Variants in EXOC4 observed in about 807,000 individuals in gnomAD.
EXOC4 encodes the protein exocyst complex component 4, also known as SEC8-like 1.
In EXOC4, 71 loss-of-function variants were observed where a neutral mutation model predicts 107.2. The observed-to-expected ratio is 0.66, with a 90% CI of 0.55 to 0.81. The LOEUF is 0.81. Among genes scored for constraint, EXOC4 ranks in the 30% least tolerant of loss-of-function variants. The pLI is 0.00. For synonymous variants in EXOC4, 456 were observed against 441.2 expected, an observed-to-expected ratio of 1.03 and a Z score of -0.42; for missense variants, 1,108 against 1,189.6, an observed-to-expected ratio of 0.93 and a Z score of 1.01.
chr7:134,064,415 G>A lies in EXOC4; in HGVS notation c.2812G>A (p.Gly938Arg). 1.9e-6 allele frequency: 3 copies of A among 1,607,456 alleles called. No individual in the cohort carries two copies. The highest frequency in any genetic ancestry group is 1.1e-5 in the South Asian group (1 of 89,856). The change falls in exon 18 of 18, where the codon GGG (glycine) becomes AGG (arginine). Residue 938 changes from glycine (G) to arginine (R), a missense_variant. Coordinates refer to ENST00000253861, the MANE Select transcript of EXOC4 (RefSeq NM_021807.4). Reference protein sequence around the residue: ...ALTLLHRSQTGVGELTTQNTR... With the variant: ...ALTLLHRSQTRVGELTTQNTR... ...GACCCTGCTGCACCGCAGCCAGACT[G>A]GGGTGGGGGAACTGACCACCCAGAA...
chr7:133,401,882 A>G (rs1797098643), intron 7 of EXOC4, among the ~76,000 whole-genome samples: 1 of 152,156 alleles, frequency 6.6e-6, no homozygotes, highest in Non-Finnish European at 1.5e-5. Context: ...TAGAATATTA[A>G]TTACCCCTTT....
chr7:133,821,941 G>A (rs758953298), intron 11 of EXOC4, among the ~76,000 whole-genome samples: 12 of 152,138 alleles, frequency 7.9e-5, no homozygotes, highest in South Asian at 4.1e-4. Context: ...TGTTTTCTGC[G>A]CATGGTATAA....
At chr7:133,962,243 TCAAA>T (rs1800963541) in intron 14 of EXOC4, among the ~76,000 whole-genome samples, 1 of 152,160 alleles carries the variant, frequency 6.6e-6, no homozygotes, top group African/African-American at 2.4e-5. Flanking sequence ...AAATTCCGCA[TCAAA>T]CAGAGATACC....
In EXOC4 at chr7:133,306,119, T is replaced by G. The variant is rs562277469; in HGVS notation, c.656+58T>G. Reference sequence around the variant, plus strand: ...GGCAGTGTAGGATTGGAAGGAATATTTTTTGTTTCCCAGAATGTTGTTGTA... The same window carrying G: ...GGCAGTGTAGGATTGGAAGGAATATGTTTTGTTTCCCAGAATGTTGTTGTA... On this transcript the variant is annotated intron_variant, in intron 4 of 17. Transcript: ENST00000253861. 42 of 1,379,056 alleles carry G rather than the reference T, an allele frequency of 3.0e-5. 1 individual carries two copies. The South Asian group carries it at 5.8e-4, about 19-fold the overall frequency. 85.4% of individuals were successfully genotyped at this position (1,379,056 alleles called of 1,614,324 possible).
chr7:133,563,618 TG>T (rs1800851166), intron 9 of EXOC4, among the ~76,000 whole-genome samples: 1 of 152,204 alleles, frequency 6.6e-6, no homozygotes, highest in African/African-American at 2.4e-5. Flanking sequence ...AGCCTAGTTA[TG>T]TGTAGCTCGA....
At chr7:133,329,164 A>G (rs1795318657) in intron 5 of EXOC4, among the ~76,000 whole-genome samples, 1 of 152,044 alleles carries the variant, frequency 6.6e-6, no homozygotes, top group African/African-American at 2.4e-5. Flanking sequence ...TTATTTCATT[A>G]ATTTGATCTT....
chr7:133,971,349 TATATATATATATAGAGAGAGAGAG>T, intron 14 of EXOC4, among the ~76,000 whole-genome samples: 2 of 99,964 alleles, frequency 2.0e-5, no homozygotes, highest in Admixed American at 2.2e-4. Flanking sequence ...TATATATATA[TATATATATATATAGAGAGAGAGAG>T]AGAGAGAGAG....
At chr7:134,051,231 T>C (rs1236750235) in intron 17 of EXOC4, among the ~76,000 whole-genome samples, 1 of 152,144 alleles carries the variant, frequency 6.6e-6, no homozygotes, top group Non-Finnish European at 1.5e-5. Context: ...GCATTATATA[T>C]ATGCACAGAT....
the EXOC4 span, among the ~76,000 whole-genome samples, chr7:134,077,835 C>G: frequency 3.3e-5 from 5 of 152,204 alleles, no homozygotes; most frequent in Non-Finnish European, 7.3e-5. Flanking sequence ...TACTCAGGCT[C>G]CTCATGACCT....
intron 10 of EXOC4, among the ~76,000 whole-genome samples, chr7:133,779,809 A>G (rs1239601973): frequency 6.6e-6 from 1 of 152,186 alleles, no homozygotes; most frequent in Non-Finnish European, 1.5e-5. Flanking sequence ...AGCTCTCTGT[A>G]AAATGGACCA....
intron 11 of EXOC4, among the ~76,000 whole-genome samples, chr7:133,851,373 A>C (rs1798236700): frequency 6.6e-6 from 1 of 152,226 alleles, no homozygotes; most frequent in African/African-American, 2.4e-5. Flanking sequence ...AAATAGAGAC[A>C]GGGCCTTGCT....
intron 6 of EXOC4, among the ~76,000 whole-genome samples, chr7:133,374,264 C>T (rs972515908): frequency 4.0e-5 from 6 of 151,436 alleles, no homozygotes; most frequent in Non-Finnish European, 8.8e-5. Flanking sequence ...AATGTGGATG[C>T]CTGAGCTTCT....
chr7:133,987,288 C>T (rs1251265969), intron 14 of EXOC4, among the ~76,000 whole-genome samples: 1 of 151,986 alleles, frequency 6.6e-6, no homozygotes, highest in East Asian at 1.9e-4. Flanking sequence ...TAGCGAGACC[C>T]TTTCTGTACA....
chr7:133,699,343 C>T (rs1239476626), intron 10 of EXOC4, among the ~76,000 whole-genome samples: 1 of 152,006 alleles, frequency 6.6e-6, no homozygotes, highest in Non-Finnish European at 1.5e-5. Flanking sequence ...GTCTTATCAA[C>T]CTAAAATAAG....
chr7:133,580,522 A>G (rs1333166123), intron 9 of EXOC4, among the ~76,000 whole-genome samples: 1 of 152,114 alleles, frequency 6.6e-6, no homozygotes, highest in Non-Finnish European at 1.5e-5. Context: ...TCTGTTTAAT[A>G]TATTGATTTT....
At chr7:133,427,801 C>T (rs186929960) in intron 7 of EXOC4, among the ~76,000 whole-genome samples, 5 of 152,294 alleles carry the variant, frequency 3.3e-5, no homozygotes, top group South Asian at 2.1e-4. Context: ...ACCACACACA[C>T]TTTGGGTATT....
chr7:133,719,524 C>T (rs893756860), intron 10 of EXOC4, among the ~76,000 whole-genome samples: 15 of 151,678 alleles, frequency 9.9e-5, no homozygotes, highest in African/African-American at 3.6e-4. Flanking sequence ...TCCATCTAGT[C>T]TGCCATCAGC....
At chr7:133,937,218 T>C (rs1363303282) in intron 13 of EXOC4, among the ~76,000 whole-genome samples, 1 of 152,174 alleles carries the variant, frequency 6.6e-6, no homozygotes, top group African/African-American at 2.4e-5. Context: ...TTGAAGATAT[T>C]GGGCTCTGCG....
chr7:133,580,601 C>T lies in EXOC4; in HGVS notation c.1418-49444C>T, dbSNP rs140185679. ...AGAGGTGTAAAGTAAACTTGAAAAT[C>T]CTTCTTTATTTTCCCTTTGACTCTT... On this transcript the variant is annotated intron_variant, in intron 9 of 17. Transcript: ENST00000253861. 2.4e-3 allele frequency among the ~76,000 whole-genome samples: 371 copies of T among 152,248 alleles called. 5 individuals carry two copies. The highest frequency in any genetic ancestry group is 8.4e-3 in the African/African-American group (348 of 41,556).
Sources: allele counts gnomAD v4.1 joint callset (sites outside exome capture counted in the v4.1 genomes callset), GRCh38; gene constraint gnomAD v4.1.1; transcripts MANE v1.5; gene names NCBI Gene and HGNC (gene_info 2026-07-23, HGNC 2026-07-21).